Variants in PTPRD observed in about 807,000 individuals in gnomAD.
The protein encoded by PTPRD is protein tyrosine phosphatase receptor type D, also known as receptor-type tyrosine-protein phosphatase delta.
PTPRD carries 34 observed loss-of-function variants against 214.5 expected under a neutral mutation model. The observed-to-expected ratio is 0.16, with a 90% CI of 0.12 to 0.21. The LOEUF (loss-of-function observed/expected upper bound fraction) is 0.21. Ranked by LOEUF, PTPRD falls within the 10% of genes least tolerant of loss-of-function variation. PTPRD has a pLI of 1.00. For missense variants in PTPRD, 2,545 were observed against 2,398.7 expected, an observed-to-expected ratio of 1.06 and a Z score of -1.27; for synonymous variants, 1,128 against 845.7, an observed-to-expected ratio of 1.33 and a Z score of -5.79.
intron 35 of PTPRD, among the ~76,000 whole-genome samples, chr9:8,436,115 T>C (rs2095337772): frequency 6.6e-6 from 1 of 152,190 alleles, no homozygotes; most frequent in Non-Finnish European, 1.5e-5. Flanking sequence ...AGACAAATAC[T>C]GCATGATCTC....
chr9:8,557,699 C>T (rs192882110), intron 14 of PTPRD, among the ~76,000 whole-genome samples: 5 of 141,910 alleles, frequency 3.5e-5, no homozygotes, highest in South Asian at 2.3e-4. Flanking sequence ...GCCGAGATCA[C>T]GCTACTGCAT....
chr9:8,960,577 ATATTGAAG>A (rs751482829), intron 11 of PTPRD, among the ~76,000 whole-genome samples: 15 of 152,126 alleles, frequency 9.9e-5, no homozygotes, highest in Non-Finnish European at 2.1e-4. Context: ...TGAAGATCAA[ATATTGAAG>A]TATTGAAGAA....
intron 5 of PTPRD, among the ~76,000 whole-genome samples, chr9:9,829,408 C>G (rs184709407): frequency 3.7e-4 from 56 of 151,926 alleles, no homozygotes; most frequent in East Asian, 1.5e-3. Context: ...TAAATGTATA[C>G]AAGCACAGGT....
intron 12 of PTPRD, among the ~76,000 whole-genome samples, chr9:8,672,303 T>C (rs1018734519): frequency 1.3e-5 from 2 of 152,142 alleles, no homozygotes; most frequent in African/African-American, 4.8e-5. Flanking sequence ...TGCAAATGGG[T>C]TTTCATCATA....
intron 7 of PTPRD, among the ~76,000 whole-genome samples, chr9:9,705,304 A>G (rs559770503): frequency 1.6e-3 from 244 of 152,320 alleles, no homozygotes; most frequent in Non-Finnish European, 2.9e-3. Flanking sequence ...AGAATTATAC[A>G]TTTTTCCATT....
intron 9 of PTPRD, among the ~76,000 whole-genome samples, chr9:9,338,103 C>A (rs952778614): frequency 6.6e-6 from 1 of 152,196 alleles, no homozygotes; most frequent in African/African-American, 2.4e-5. Context: ...TATCCCCATA[C>A]AATGACAAAT....
rs571480995 is a variant in PTPRD at position 10,424,686 on chromosome 9, C to T, written c.-599-83669G>A. 5.3e-5 allele frequency among the ~76,000 whole-genome samples: 8 copies of T among 151,902 alleles called. No homozygotes were observed. In the East Asian group the frequency reaches 1.6e-3, roughly 30 times the overall value. On this transcript the variant is annotated intron_variant, in intron 2 of 45. Transcript: ENST00000381196. ...AAGGGGTTTGGAAACCCAGAGTCAC[C>T]GAGTTTCTAATGCTCATAAATGGTA...
intron 3 of PTPRD, among the ~76,000 whole-genome samples, chr9:10,169,583 A>C (rs1250371806): frequency 6.6e-6 from 1 of 152,090 alleles, no homozygotes; most frequent in Non-Finnish European, 1.5e-5. Flanking sequence ...AAAAAATTAT[A>C]AAATAGGTCA....
At chr9:9,515,157 G>T (rs1377593436) in intron 8 of PTPRD, among the ~76,000 whole-genome samples, 1 of 152,172 alleles carries the variant, frequency 6.6e-6, no homozygotes, top group Middle Eastern at 3.4e-3. Flanking sequence ...GTTATTGACC[G>T]TGGTGGAGGT....
chr9:8,669,389 G>A (rs2097233467), intron 12 of PTPRD, among the ~76,000 whole-genome samples: 1 of 152,110 alleles, frequency 6.6e-6, no homozygotes, highest in South Asian at 2.1e-4. Flanking sequence ...AGATTTCTGA[G>A]GGTATAAGAC....
intron 39 of PTPRD, among the ~76,000 whole-genome samples, chr9:8,347,622 A>C (rs1038813803): frequency 6.6e-6 from 1 of 152,164 alleles, no homozygotes; most frequent in Non-Finnish European, 1.5e-5. Context: ...CTCAAAATTC[A>C]TATGTTGAAA....
chr9:8,640,144 T>C (rs927468519), intron 12 of PTPRD, among the ~76,000 whole-genome samples: 18 of 152,152 alleles, frequency 1.2e-4, no homozygotes, highest in African/African-American at 4.3e-4. Context: ...TTGTTCAGCA[T>C]GTCTTGAACT....
At chr9:8,583,624 A>AAC (rs1486535316) in intron 14 of PTPRD, among the ~76,000 whole-genome samples, 1 of 152,240 alleles carries the variant, frequency 6.6e-6, no homozygotes, top group African/African-American at 2.4e-5. Context: ...TAAACTATTT[A>AAC]ACATATATGC....
chr9:9,133,039 T>C (rs964236452), intron 10 of PTPRD, among the ~76,000 whole-genome samples: 1 of 152,248 alleles, frequency 6.6e-6, no homozygotes, highest in African/African-American at 2.4e-5. Context: ...CAATAGAAGA[T>C]ATTTTAATAA....
At chr9:8,557,803 CACACAT>C (rs1221670734) in intron 14 of PTPRD, among the ~76,000 whole-genome samples, 1 of 138,812 alleles carries the variant, frequency 7.2e-6, no homozygotes, top group Non-Finnish European at 1.5e-5. Flanking sequence ...CACACACACA[CACACAT>C]ATATACACAC....
intron 14 of PTPRD, among the ~76,000 whole-genome samples, chr9:8,557,073 C>A (rs2084048834): frequency 1.3e-5 from 2 of 151,924 alleles, no homozygotes; most frequent in Admixed American, 1.3e-4. Flanking sequence ...AAAGGAGGAC[C>A]AGTGAGAGGA....
intron 3 of PTPRD, among the ~76,000 whole-genome samples, chr9:10,164,719 A>G (rs763340992): frequency 2.0e-5 from 3 of 151,694 alleles, no homozygotes; most frequent in Non-Finnish European, 4.4e-5. Flanking sequence ...ACAAAAGAGT[A>G]TATTTTATTC....
chr9:10,347,622 G>A (rs919477000), intron 2 of PTPRD, among the ~76,000 whole-genome samples: 1 of 151,906 alleles, frequency 6.6e-6, no homozygotes, highest in South Asian at 2.1e-4. Context: ...TGTTGGTCAG[G>A]CTAGTCTCGA....
intron 9 of PTPRD, among the ~76,000 whole-genome samples, chr9:9,304,509 A>G (rs1432864974): frequency 6.6e-6 from 1 of 151,972 alleles, no homozygotes; most frequent in Non-Finnish European, 1.5e-5. Flanking sequence ...GGATTTAAGG[A>G]TGTGGAACTT....
Sources: allele counts gnomAD v4.1 joint callset (sites outside exome capture counted in the v4.1 genomes callset), GRCh38; gene constraint gnomAD v4.1.1; transcripts MANE v1.5; gene names NCBI Gene and HGNC (gene_info 2026-07-23, HGNC 2026-07-21).